Variants in FXN observed in about 807,000 individuals in gnomAD.
FXN encodes the protein frataxin, also known as frataxin, mitochondrial.
In FXN, 14 loss-of-function variants were observed where a neutral mutation model predicts 22.4. That is an observed-to-expected ratio of 0.62 (90% CI 0.41 to 0.98). FXN has a LOEUF of 0.98. FXN is among the 50% of genes least tolerant of loss of function. The pLI, the probability that FXN is intolerant of heterozygous loss-of-function variation, is 0.00. For synonymous variants in FXN, 120 were observed against 114.1 expected (o/e 1.05, Z -0.33); for missense variants, 267 against 268.4 (o/e 0.99, Z 0.04).
In FXN at chr9:69,076,019, A is replaced by T; in HGVS notation, c.*3257A>T. ...AGGTGTTCATCAGAAAGCTTTTTCT[A>T]TTATTTTTACCTTCTTGAGTGGGTA... On this transcript the variant is annotated 3_prime_UTR_variant, in exon 5 of 5. Coordinates refer to ENST00000484259, the MANE Select transcript of FXN (RefSeq NM_000144.5). The T allele has an allele frequency of 1.0e-6, 1 of 976,276 alleles. No homozygotes were observed. The highest frequency in any genetic ancestry group is 1.2e-6 in the Non-Finnish European group (1 of 828,716). The allele number at this position is 976,276 out of a possible 1,614,324, so 60.5% of individuals were successfully genotyped here. A position where few individuals can be genotyped will look rare whatever the true frequency, so the allele number is the denominator to read the frequency against.
intron 1 of FXN, 109 bp downstream of exon 1, chr9:69,036,056 T>A (rs1831545861): frequency 1.0e-6 from 1 of 987,944 alleles, no homozygotes; most frequent in Non-Finnish European, 1.3e-6. Flanking sequence ...GTACGCGCGC[T>A]GGACTAGCTC....
intron 2 of FXN, among the ~76,000 whole-genome samples, chr9:69,049,933 G>A (rs1218034923): frequency 1.3e-5 from 2 of 152,130 alleles, no homozygotes; most frequent in African/African-American, 2.4e-5. Flanking sequence ...TGATGAATTT[G>A]TAAAAATTGA....
chr9:69,076,304 T>C lies in FXN; in HGVS notation c.*3542T>C, dbSNP rs1054231368. 4 of 984,846 alleles carry C rather than the reference T, an allele frequency of 4.1e-6. No individual in the cohort carries two copies. The Admixed American group carries it at 2.5e-4, about 61-fold the overall frequency. The allele number at this position is 984,846 out of a possible 1,614,324, so 61.0% of individuals were successfully genotyped here. A position where few individuals can be genotyped will look rare whatever the true frequency, so the allele number is the denominator to read the frequency against. Reference sequence around the variant, plus strand: ...CAAAGCACAATCCTGATGTGAGAAGTACTCAGTTCATGACAACTGTTGTTC... The same window carrying C: ...CAAAGCACAATCCTGATGTGAGAAGCACTCAGTTCATGACAACTGTTGTTC... On this transcript the variant is annotated 3_prime_UTR_variant, in exon 5 of 5. Transcript: ENST00000484259.
Position 69,073,041 on chromosome 9 carries a change from C to T in FXN, c.*279C>T. 1 of 1,304,102 alleles carries T rather than the reference C, an allele frequency of 7.7e-7. No individual in the cohort carries two copies. The highest frequency in any genetic ancestry group is 3.2e-5 in the East Asian group (1 of 30,986). 80.8% of individuals were successfully genotyped at this position (1,304,102 alleles called of 1,614,324 possible). A position where few individuals can be genotyped will look rare whatever the true frequency, so the allele number is the denominator to read the frequency against. ...CTTTTATAATGTCTTATGCCTATAC[C>T]TGAATATAACAACCTTTAAAAAAGC... On this transcript the variant is annotated 3_prime_UTR_variant, in exon 5 of 5. Transcript: ENST00000484259.
At position 69,072,925 on chromosome 9, in the gene FXN, G is replaced by C; in HGVS notation, c.*163G>C. 1 of 1,480,150 alleles carries C rather than the reference G, an allele frequency of 6.8e-7. No homozygotes were observed. Among genetic ancestry groups the C allele is most frequent in the Admixed American group, 2.5e-5 (1 of 40,570 alleles). The allele number at this position is 1,480,150 out of a possible 1,614,324, so 91.7% of individuals were successfully genotyped here. ...CACAGCTCTGTAGAAAGAATGTGTT[G>C]CCTCCTACCTTGCCCCCAAGTTCTG... On this transcript the variant is annotated 3_prime_UTR_variant, in exon 5 of 5. Transcript: ENST00000484259.
rs565294240 is a variant in FXN at position 69,035,920 on chromosome 9, C to T, written c.138C>T (p.Ile46=). 34 of 1,484,308 alleles carry T rather than the reference C, an allele frequency of 2.3e-5. No individual in the cohort carries two copies. The East Asian group carries it at 6.5e-4, about 29-fold the overall frequency. The allele number at this position is 1,484,308 out of a possible 1,614,324, so 91.9% of individuals were successfully genotyped here. ...LCGRRGLRTD[I]DATCTPRRAS... is the part of the protein sequence containing the mutation. Reference sequence around the variant, plus strand: ...GCCGCCGTGGCCTGCGCACCGACATCGATGCGACCTGCACGCCCCGCCGCG... The same window carrying T: ...GCCGCCGTGGCCTGCGCACCGACATTGATGCGACCTGCACGCCCCGCCGCG... The change falls in exon 1 of 5, where the codon ATC becomes ATT. Residue 46 remains isoleucine (I), a synonymous_variant. Coordinates refer to ENST00000484259, the MANE Select transcript of FXN (RefSeq NM_000144.5).
intron 3 of FXN, among the ~76,000 whole-genome samples, chr9:69,057,061 T>C (rs1831973694): frequency 1.3e-5 from 2 of 152,128 alleles, no homozygotes; most frequent in Admixed American, 1.3e-4. Context: ...TGAGCCACCA[T>C]GCATGGCCTG....
chr9:69,074,955 C>T lies in FXN; in HGVS notation c.*2193C>T, dbSNP rs980411229. On this transcript the variant is annotated 3_prime_UTR_variant, in exon 5 of 5. Coordinates refer to ENST00000484259, the MANE Select transcript of FXN (RefSeq NM_000144.5). ...CAGTGCACCCCACTTACTTAGAACTCGGTGACATGATGTACTCCTTTATCT... is the reference window on the plus strand; with the variant it reads ...CAGTGCACCCCACTTACTTAGAACTTGGTGACATGATGTACTCCTTTATCT... 108 of 985,244 alleles carry T rather than the reference C, an allele frequency of 1.1e-4. No individual in the cohort carries two copies. Among genetic ancestry groups the T allele is most frequent in the Admixed American group, 1.2e-4 (2 of 16,252 alleles). 61.0% of individuals were successfully genotyped at this position (985,244 alleles called of 1,614,324 possible).
chr9:69,046,496 C>T lies in FXN; in HGVS notation c.263+14C>T. 1 of 1,560,908 alleles carries T rather than the reference C, an allele frequency of 6.4e-7. No homozygotes were observed. Among genetic ancestry groups the T allele is most frequent in the Non-Finnish European group, 8.8e-7 (1 of 1,132,446 alleles). ...GGGCCACCCAGGGTAAGATAAAACA[C>T]CTTCCACGTCATAGGTATCTTCCTC... On this transcript the variant is annotated intron_variant, in intron 2 of 4. Transcript: ENST00000484259.
rs772324471 is a variant in FXN, at chr9:69,053,264, C to T, written c.384+4C>T. Reference sequence around the variant, plus strand: ...GGACTATGATGTCTCCTTTGGGGTACCTCTTGACTTCTTTTATTTTTCTGT... The same window carrying T: ...GGACTATGATGTCTCCTTTGGGGTATCTCTTGACTTCTTTTATTTTTCTGT... On this transcript the variant is annotated splice_donor_region_variant and intron_variant, in intron 3 of 4. Transcript: ENST00000484259. 6.2e-7 allele frequency: 1 copy of T among 1,613,280 alleles called. No individual in the cohort carries two copies. Among genetic ancestry groups the T allele is most frequent in the East Asian group, 2.2e-5 (1 of 44,830 alleles).
At position 69,075,002 on chromosome 9, in the gene FXN, A is replaced by T; in HGVS notation, c.*2240A>T. The T allele has an allele frequency of 1.0e-6, 1 of 985,446 alleles. No individual in the cohort carries two copies. The allele number at this position is 985,446 out of a possible 1,614,324, so 61.0% of individuals were successfully genotyped here. On this transcript the variant is annotated 3_prime_UTR_variant, in exon 5 of 5. Coordinates refer to ENST00000484259, the MANE Select transcript of FXN (RefSeq NM_000144.5). ...ATCTGGGACACAGCACAAAAGAGGT[A>T]TGCAGTGGGGCTGCTCTGACATGAA...
intron 2 of FXN, among the ~76,000 whole-genome samples, chr9:69,049,969 G>A (rs1427623019): frequency 6.6e-6 from 1 of 152,156 alleles, no homozygotes; most frequent in Non-Finnish European, 1.5e-5. Context: ...TACCCTGTAA[G>A]CTCAAGACAT....
At chr9:69,039,506 C>T (rs1831617508) in intron 1 of FXN, among the ~76,000 whole-genome samples, 2 of 128,348 alleles carry the variant, frequency 1.6e-5, no homozygotes, top group Admixed American at 1.6e-4. Flanking sequence ...CCACAGCCCC[C>T]AGCCCCAGCC....
At position 69,072,615 on chromosome 9, in the gene FXN, A is replaced by T. The variant is rs202038201; in HGVS notation, c.486A>T (p.Gly162=). 2.6e-5 allele frequency: 42 copies of T among 1,613,914 alleles called. No homozygotes were observed. Among genetic ancestry groups the T allele is most frequent in the Non-Finnish European group, 1.9e-5 (23 of 1,180,022 alleles). The change falls in exon 5 of 5, where the codon GGA becomes GGT. Residue 162 remains glycine, a synonymous_variant. Coordinates refer to ENST00000484259, the MANE Select transcript of FXN (RefSeq NM_000144.5). The part of the protein sequence containing the change: ...KQIWLSSPSS[G]PKRYDWTGKN... ...ATGCATTTGTTTTGTCTTCCAGTGG[A>T]CCTAAGCGTTATGACTGGACTGGGA...
In FXN at chr9:69,076,220, T is replaced by TG. The variant is rs1832365475; in HGVS notation, c.*3458_*3459insG. 1.8e-5 allele frequency: 16 copies of TG among 904,202 alleles called. No individual in the cohort carries two copies. Among genetic ancestry groups the TG allele is most frequent in the Non-Finnish European group, 1.8e-5 (14 of 778,122 alleles). 56.0% of individuals were successfully genotyped at this position (904,202 alleles called of 1,614,324 possible). A position where few individuals can be genotyped will look rare whatever the true frequency, so the allele number is the denominator to read the frequency against. On this transcript the variant is annotated 3_prime_UTR_variant, in exon 5 of 5. Coordinates refer to ENST00000484259, the MANE Select transcript of FXN (RefSeq NM_000144.5). ...TAGACACTGACAGTGGCCTCATGTTTTTTTTTTTTTTAATCTATAAAATGG... is the reference window on the plus strand; with the variant it reads ...TAGACACTGACAGTGGCCTCATGTTTGTTTTTTTTTTTAATCTATAAAATGG...
chr9:69,045,725 C>A (rs1222913382), intron 1 of FXN, among the ~76,000 whole-genome samples: 1 of 152,114 alleles, frequency 6.6e-6, no homozygotes, highest in Non-Finnish European at 1.5e-5. Context: ...TGAATTTACT[C>A]CGAAACTAGC....
intron 3 of FXN, among the ~76,000 whole-genome samples, chr9:69,055,225 G>C (rs1831933882): frequency 6.6e-6 from 1 of 152,156 alleles, no homozygotes; most frequent in South Asian, 2.1e-4. Flanking sequence ...CTACCAACTT[G>C]AGCATCCACA....
chr9:69,046,434 G>A lies in FXN; in HGVS notation c.215G>A (p.Ser72Asn). The change falls in exon 2 of 5, where the codon AGT (serine) becomes AAT (asparagine). Residue 72 changes from serine to asparagine, a missense_variant. Coordinates refer to ENST00000484259, the MANE Select transcript of FXN (RefSeq NM_000144.5). ...CAGATTTGGAATGTCAAAAAGCAGA[G>A]TGTCTATTTGATGAATTTGAGGAAA... ...LNQIWNVKKQ[S>N]VYLMNLRKSG... 1 of 1,614,120 alleles carries A rather than the reference G, an allele frequency of 6.2e-7. No individual in the cohort carries two copies. The highest frequency in any genetic ancestry group is 8.5e-7 in the Non-Finnish European group (1 of 1,180,012).
chr9:69,060,855 C>A (rs1587826039), intron 3 of FXN, among the ~76,000 whole-genome samples: 1 of 152,308 alleles, frequency 6.6e-6, no homozygotes, highest in East Asian at 1.9e-4. Flanking sequence ...AGGTGCTAGA[C>A]CTGCAGATGC....
Sources: allele counts gnomAD v4.1 joint callset (sites outside exome capture counted in the v4.1 genomes callset), GRCh38; gene constraint gnomAD v4.1.1; transcripts MANE v1.5; gene names NCBI Gene and HGNC (gene_info 2026-07-23, HGNC 2026-07-21).